EYS: variants seen among roughly 807,000 people sequenced by gnomAD.
EYS encodes protein eyes shut homolog.
A neutral mutation model predicts 282.1 loss-of-function variants in EYS; 250 were observed. That is an observed-to-expected ratio of 0.89 (90% confidence interval 0.80 to 0.98). The LOEUF is 0.98. Among genes scored for constraint, EYS ranks in the 50% least tolerant of loss-of-function variants. EYS has a pLI of 0.00. For missense variants in EYS, 4,016 were observed against 3,709.0 expected, an observed-to-expected ratio of 1.08 and a Z score of -2.15; for synonymous variants, 1,355 against 1,282.9, an observed-to-expected ratio of 1.06 and a Z score of -1.20.
chr6:64,182,007 A>G (rs762496980), intron 31 of EYS, among the ~76,000 whole-genome samples: 1 of 152,130 alleles, frequency 6.6e-6, no homozygotes, highest in Non-Finnish European at 1.5e-5. Context: ...TCACTCACTC[A>G]TTGAGGAAGA....
At chr6:65,070,371 T>C (rs950745496) in intron 12 of EYS, among the ~76,000 whole-genome samples, 6 of 152,070 alleles carry the variant, frequency 3.9e-5, no homozygotes, top group East Asian at 1.9e-4. Context: ...GTCTTCACCC[T>C]TGTTAGGCCT....
chr6:64,702,017 C>T (rs1473119038), intron 22 of EYS, among the ~76,000 whole-genome samples: 11 of 143,954 alleles, frequency 7.6e-5, no homozygotes, highest in African/African-American at 2.5e-4. Context: ...TACCCTTGTG[C>T]TATTAGTCAT....
At chr6:65,297,905 T>C (rs955401122) in intron 11 of EYS, among the ~76,000 whole-genome samples, 1 of 152,090 alleles carries the variant, frequency 6.6e-6, no homozygotes, top group African/African-American at 2.4e-5. Context: ...TTGTTAATAG[T>C]GCTCTTTCAC....
intron 28 of EYS, among the ~76,000 whole-genome samples, chr6:64,435,072 C>G (rs1485079028): frequency 6.6e-6 from 1 of 151,850 alleles, no homozygotes. Context: ...GTGTACTGCC[C>G]CCAGCATTTG....
chr6:64,505,665 T>C (rs975092906), intron 26 of EYS, among the ~76,000 whole-genome samples: 7 of 152,168 alleles, frequency 4.6e-5, no homozygotes, highest in Non-Finnish European at 7.3e-5. Context: ...TACAGGGAAA[T>C]TGTCTAAATG....
At chr6:63,733,088 T>C (rs1218942414) in intron 41 of EYS, among the ~76,000 whole-genome samples, 2 of 151,788 alleles carry the variant, frequency 1.3e-5, no homozygotes, top group African/African-American at 2.4e-5. Flanking sequence ...CCTGGGGTGA[T>C]AGGGTTCCTA....
chr6:63,965,659 G>A (rs1343276255), intron 35 of EYS, among the ~76,000 whole-genome samples: 1 of 152,050 alleles, frequency 6.6e-6, no homozygotes, highest in Non-Finnish European at 1.5e-5. Flanking sequence ...ATTTTCTGTG[G>A]AGCCAAAAAA....
intron 2 of EYS, among the ~76,000 whole-genome samples, chr6:65,513,173 C>T (rs1276955859): frequency 2.6e-5 from 4 of 152,098 alleles, no homozygotes; most frequent in Non-Finnish European, 5.9e-5. Flanking sequence ...TCTACGCAAA[C>T]AAACTAGAAA....
intron 31 of EYS, among the ~76,000 whole-genome samples, chr6:64,122,232 GA>G (rs764272198): frequency 2.6e-5 from 4 of 152,108 alleles, no homozygotes; most frequent in Non-Finnish European, 5.9e-5. Context: ...CCACCAAACT[GA>G]GATTGGAAAA....
At chr6:64,866,022 A>C (rs1766415030) in intron 19 of EYS, among the ~76,000 whole-genome samples, 1 of 152,144 alleles carries the variant, frequency 6.6e-6, no homozygotes, top group Admixed American at 6.5e-5. Context: ...TTAAATTGAA[A>C]GTGTTAAGTA....
At chr6:65,518,124 G>A (rs1010710666) in intron 2 of EYS, among the ~76,000 whole-genome samples, 6 of 152,042 alleles carry the variant, frequency 3.9e-5, no homozygotes, top group African/African-American at 1.4e-4. Flanking sequence ...TCTCAGAAAA[G>A]TAATATTCCC....
At chr6:65,041,879 TTC>T (rs1772948048) in intron 13 of EYS, among the ~76,000 whole-genome samples, 1 of 151,692 alleles carries the variant, frequency 6.6e-6, no homozygotes, top group Non-Finnish European at 1.5e-5. Context: ...CATTAAAATT[TTC>T]TGTTTTTGCA....
intron 1 of EYS, among the ~76,000 whole-genome samples, chr6:65,667,938 G>A (rs1298438533): frequency 6.6e-6 from 1 of 151,850 alleles, no homozygotes. Context: ...ATGGTAATGG[G>A]GTGAGTGGTT....
intron 26 of EYS, among the ~76,000 whole-genome samples, chr6:64,441,380 G>A (rs911822008): frequency 6.6e-6 from 1 of 152,128 alleles, no homozygotes; most frequent in Non-Finnish European, 1.5e-5. Context: ...CTGTAGACAA[G>A]AACAGAGCTT....
chr6:64,916,244 G>C (rs1283274027), intron 15 of EYS, among the ~76,000 whole-genome samples: 4 of 152,238 alleles, frequency 2.6e-5, no homozygotes, highest in East Asian at 3.9e-4. Context: ...TAATTTAAAA[G>C]AGTTTCCTAA....
chr6:65,553,918 T>C (rs1401832448), intron 2 of EYS, among the ~76,000 whole-genome samples: 1 of 152,186 alleles, frequency 6.6e-6, no homozygotes, highest in Non-Finnish European at 1.5e-5. Flanking sequence ...CTTTCTGTTA[T>C]AAACTTCATA....
At chr6:65,190,983 T>C (rs922330227) in intron 12 of EYS, among the ~76,000 whole-genome samples, 1 of 151,808 alleles carries the variant, frequency 6.6e-6, no homozygotes, top group Non-Finnish European at 1.5e-5. Flanking sequence ...TTCTGAAACA[T>C]TTGCATTGAG....
At chr6:64,392,468 G>C (rs1773189964) in intron 28 of EYS, among the ~76,000 whole-genome samples, 1 of 151,370 alleles carries the variant, frequency 6.6e-6, no homozygotes, top group Admixed American at 6.6e-5. Context: ...TCAGGACTAA[G>C]AAACTCACTC....
rs1770451254 is a variant in EYS, at chr6:63,789,372, GCAACT to G, written c.7412-153_7412-149del. On this transcript the variant is annotated intron_variant, in intron 37 of 42. Transcript: ENST00000503581. ...CTCTAGTCAGCATTTAGGTATATGT[GCAACT>G]GGCTGTTGTTATTCCCAGCCCCAGA... 4 of 720,456 alleles carry G rather than the reference GCAACT, an allele frequency of 5.6e-6. No homozygotes were observed. In the East Asian group the frequency reaches 1.1e-4, roughly 20 times the overall value. 44.6% of individuals were successfully genotyped at this position (720,456 alleles called of 1,614,324 possible).
Sources: allele counts gnomAD v4.1 joint callset (sites outside exome capture counted in the v4.1 genomes callset), GRCh38; gene constraint gnomAD v4.1.1; transcripts MANE v1.5; gene names NCBI Gene and HGNC (gene_info 2026-07-23, HGNC 2026-07-21).